MYO16: variants seen among roughly 807,000 people sequenced by gnomAD.
MYO16 encodes the protein unconventional myosin-XVI.
In MYO16, 94 loss-of-function variants were observed where a neutral mutation model predicts 205.3. The observed-to-expected ratio is 0.46, with a 90% CI of 0.39 to 0.54. The LOEUF is 0.54. Among genes scored for constraint, MYO16 ranks in the 20% least tolerant of loss-of-function variants. The pLI, the probability that MYO16 is intolerant of heterozygous loss-of-function variation, is 0.00. For synonymous variants in MYO16, 988 were observed against 954.0 expected (o/e 1.04, Z -0.66); for missense variants, 2,315 against 2,387.5 (o/e 0.97, Z 0.63).
chr13:109,022,847 A>G (rs1256062064), intron 23 of MYO16, among the ~76,000 whole-genome samples: 8 of 136,444 alleles, frequency 5.9e-5, no homozygotes, highest in African/African-American at 1.8e-4. Context: ...GTATATATTT[A>G]TATATTATAC....
chr13:108,684,459 T>C (rs1882593008), intron 2 of MYO16, among the ~76,000 whole-genome samples: 1 of 152,182 alleles, frequency 6.6e-6, no homozygotes, highest in Non-Finnish European at 1.5e-5. Context: ...TTATTGTGTG[T>C]GTATATATCT....
chr13:108,792,990 T>C (rs2039704), intron 5 of MYO16, among the ~76,000 whole-genome samples: 51,901 of 152,144 alleles, frequency 0.34, 10,121 homozygotes, highest in East Asian at 0.63. Flanking sequence ...ATTGAAAACC[T>C]GCCATTATAA....
At chr13:108,996,435 G>A (rs1885005379) in intron 21 of MYO16, among the ~76,000 whole-genome samples, 1 of 151,940 alleles carries the variant, frequency 6.6e-6, no homozygotes, top group South Asian at 2.1e-4. Context: ...TATAATTAAA[G>A]TAATGTGCAA....
At chr13:108,569,994 GT>G in the MYO16 span, among the ~76,000 whole-genome samples, 3 of 152,062 alleles carry the variant, frequency 2.0e-5, no homozygotes. Context: ...ATTGGCCATG[GT>G]GTATAATACT....
At chr13:109,169,269 G>T (rs6492166) in intron 33 of MYO16, among the ~76,000 whole-genome samples, 152,035 of 152,314 alleles carry the variant, frequency 1, 75,879 homozygotes, top group East Asian at 1. Flanking sequence ...GTGTTAAAAG[G>T]GTCTAGAAAT....
intron 23 of MYO16, among the ~76,000 whole-genome samples, chr13:109,035,465 C>T (rs745702153): frequency 6.6e-6 from 1 of 152,154 alleles, no homozygotes; most frequent in Non-Finnish European, 1.5e-5. Flanking sequence ...AGATGAATCA[C>T]TTGAAGTCAG....
chr13:108,620,314 C>T (rs891450580), intron 1 of MYO16, among the ~76,000 whole-genome samples: 12 of 152,028 alleles, frequency 7.9e-5, no homozygotes, highest in African/African-American at 2.7e-4. Context: ...AATATTTATT[C>T]TGGAAATGCT....
chr13:109,057,756 T>C (rs2139617757), intron 27 of MYO16, among the ~76,000 whole-genome samples: 1 of 152,236 alleles, frequency 6.6e-6, no homozygotes, highest in South Asian at 2.1e-4. Flanking sequence ...TTTAAAACAA[T>C]AGATTCCCCA....
At chr13:109,110,594 A>G (rs1889255866) in intron 28 of MYO16, among the ~76,000 whole-genome samples, 1 of 152,226 alleles carries the variant, frequency 6.6e-6, no homozygotes, top group Non-Finnish European at 1.5e-5. Flanking sequence ...TAACAAAGAG[A>G]ACATGTATTT....
chr13:108,933,177 C>T (rs1015207473), intron 16 of MYO16, among the ~76,000 whole-genome samples: 3 of 152,092 alleles, frequency 2.0e-5, no homozygotes, highest in African/African-American at 7.2e-5. Context: ...CTGTGTGTGG[C>T]AAGATGCATG....
intron 1 of MYO16, among the ~76,000 whole-genome samples, chr13:108,605,438 A>G (rs1170942750): frequency 1.3e-5 from 2 of 152,098 alleles, no homozygotes; most frequent in South Asian, 4.1e-4. Context: ...TGGAATCCAA[A>G]TTATAATCCC....
chr13:108,876,995 T>A (rs937448488), intron 12 of MYO16, among the ~76,000 whole-genome samples: 1 of 152,166 alleles, frequency 6.6e-6, no homozygotes, highest in South Asian at 2.1e-4. Flanking sequence ...AAAAAAGCTG[T>A]TGATCAGCCC....
In MYO16 at chr13:108,793,530, T is replaced by A. The variant is rs1886687487; in HGVS notation, c.631T>A (p.Ser211Thr). The A allele has an allele frequency of 6.2e-7, 1 of 1,613,848 alleles. No individual in the cohort carries two copies. Residue 211 changes from serine (S) to threonine (T), a missense_variant, in exon 6 of 35, where the codon TCA becomes ACA. This residue lies in a region of MYO16 where 1,213 missense variants were observed against 1,274.4 expected (regional missense o/e 0.95). Transcript: ENST00000457511. ...YLDENGVDLT[S>T]LRQMKLQRPM... ...TCTCCCCACAGGAGTGGATTTGACC[T>A]CACTGCGCCAGATGAAGCTTCAGAG...
intron 33 of MYO16, among the ~76,000 whole-genome samples, chr13:109,171,676 A>G (rs1445835555): frequency 6.6e-6 from 1 of 152,164 alleles, no homozygotes; most frequent in Non-Finnish European, 1.5e-5. Flanking sequence ...AGAACATTTT[A>G]GCTTTATCAA....
chr13:108,595,341 T>C (rs1878516805), upstream of MYO16, among the ~76,000 whole-genome samples: 1 of 152,144 alleles, frequency 6.6e-6, no homozygotes, highest in Non-Finnish European at 1.5e-5. Context: ...ATTAATGGAA[T>C]CAGGTCAAAT....
At chr13:109,015,667 G>A (rs899960785) in intron 22 of MYO16, among the ~76,000 whole-genome samples, 3 of 152,024 alleles carry the variant, frequency 2.0e-5, no homozygotes, top group Non-Finnish European at 4.4e-5. Context: ...CAGTGATTCA[G>A]CTTCTTCCTG....
intron 2 of MYO16, among the ~76,000 whole-genome samples, chr13:108,668,181 A>G (rs1881824870): frequency 6.6e-6 from 1 of 152,220 alleles, no homozygotes; most frequent in Admixed American, 6.5e-5. Context: ...CAGTTATTAT[A>G]TAAGTTACGT....
intron 1 of MYO16, among the ~76,000 whole-genome samples, chr13:108,652,381 T>A (rs1594177965): frequency 6.6e-6 from 1 of 152,252 alleles, no homozygotes; most frequent in East Asian, 1.9e-4. Flanking sequence ...GCTGCTTGTG[T>A]CTTATCACTT....
At chr13:109,130,517 C>G (rs939924932) in intron 31 of MYO16, among the ~76,000 whole-genome samples, 1 of 152,224 alleles carries the variant, frequency 6.6e-6, no homozygotes, top group African/African-American at 2.4e-5. Flanking sequence ...AGACAATTAA[C>G]CAGCTTAAGC....
Sources: gnomAD v4.1 joint callset for allele counts (sites outside exome capture counted in the v4.1 genomes callset) on GRCh38, gnomAD v4.1.1 for gene constraint, gnomAD v4.1.1 regional missense constraint, MANE v1.5 for transcripts, NCBI Gene and HGNC (gene_info 2026-07-23, HGNC 2026-07-21) for gene names.